Variants in MYLK observed in about 807,000 individuals in gnomAD.
MYLK encodes myosin light chain kinase, smooth muscle.
In MYLK, 106 loss-of-function variants were observed where a neutral mutation model predicts 203.4. The ratio of observed to expected loss-of-function variants is 0.52; its 90% CI spans 0.45 to 0.61. The LOEUF is 0.61. Among genes scored for constraint, MYLK ranks in the 20% least tolerant of loss-of-function variants. The pLI, the probability that MYLK is intolerant of heterozygous loss-of-function variation, is 0.00. For synonymous variants in MYLK, 867 were observed against 959.5 expected (o/e 0.90, Z 1.78); for missense variants, 2,072 against 2,442.3 (o/e 0.85, Z 3.20).
At chr3:123,779,133 C>T (rs1014170983) in intron 4 of MYLK, among the ~76,000 whole-genome samples, 33 of 152,318 alleles carry the variant, frequency 2.2e-4, no homozygotes, top group African/African-American at 7.7e-4. Flanking sequence ...AGTCTTTCCC[C>T]ACTCCTTTCG....
chr3:123,638,958 A>T, intron 28 of MYLK: 9 of 985,474 alleles, frequency 9.1e-6, no homozygotes, highest in Non-Finnish European at 1.1e-5. Context: ...AAAGCATTTA[A>T]CAGCCCTCAG....
intron 4 of MYLK, among the ~76,000 whole-genome samples, chr3:123,753,130 A>G (rs1163083504): frequency 6.6e-6 from 1 of 152,186 alleles, no homozygotes; most frequent in Non-Finnish European, 1.5e-5. Context: ...GGAGCACTCA[A>G]AATGTGGCCA....
chr3:123,684,060 T>C (rs529963846), intron 19 of MYLK, among the ~76,000 whole-genome samples: 7 of 152,186 alleles, frequency 4.6e-5, no homozygotes, highest in Non-Finnish European at 7.3e-5. Context: ...GGGGCAGGGA[T>C]GATTTCATTT....
At chr3:123,652,842 G>A (rs2059261068) in intron 24 of MYLK, among the ~76,000 whole-genome samples, 1 of 152,176 alleles carries the variant, frequency 6.6e-6, no homozygotes, top group South Asian at 2.1e-4. Context: ...TTGGGTTTGG[G>A]AGTACATTGT....
At chr3:123,848,961 T>C (rs929052437) in intron 2 of MYLK, among the ~76,000 whole-genome samples, 4 of 152,146 alleles carry the variant, frequency 2.6e-5, no homozygotes, top group Admixed American at 2.6e-4. Flanking sequence ...CTATTCAACA[T>C]GTTATCCTTT....
chr3:123,614,289 T>C lies in MYLK; in HGVS notation c.5561A>G (p.His1854Arg), dbSNP rs982108163. Residue 1854 changes from histidine to arginine, a missense_variant, in exon 34 of 34, where the codon CAC becomes CGC. Coordinates refer to ENST00000360304, the MANE Select transcript of MYLK (RefSeq NM_053025.4). The stretch of plus-strand genomic sequence containing the variant: ...GTCCTCATCGTAGTCTATCTGGAAG[T>C]GGCGGGACTCCCTGATTGACTGGTC... ...KDDQSIRESR[H>R]FQIDYDEDGN... 10 of 1,614,048 alleles carry C rather than the reference T, an allele frequency of 6.2e-6. No homozygotes were observed. Among genetic ancestry groups the C allele is most frequent in the Non-Finnish European group, 8.5e-6 (10 of 1,180,030 alleles).
rs780473659 is a variant in MYLK, at chr3:123,640,545, A to G, written c.4620-41T>C. 10 of 1,608,524 alleles carry G rather than the reference A, an allele frequency of 6.2e-6. No homozygotes were observed. The highest frequency in any genetic ancestry group is 8.5e-6 in the Non-Finnish European group (10 of 1,176,186). Reference sequence around the variant, plus strand: ...CACGGGGTGGTCAGGCCACAGGCTCATGGAGGCCAGGCTGGCAGGGAGTCT... The same window carrying G: ...CACGGGGTGGTCAGGCCACAGGCTCGTGGAGGCCAGGCTGGCAGGGAGTCT... On this transcript the variant is annotated intron_variant, in intron 27 of 33. Coordinates refer to ENST00000360304, the MANE Select transcript of MYLK (RefSeq NM_053025.4). This position sits in a 1 kb window ranked among gnomAD's most constrained non-coding sequence, Gnocchi z 4.3.
In MYLK at chr3:123,864,494, G is replaced by A. The variant is rs2032175028; in HGVS notation, c.-127+12065C>T. Among the ~76,000 whole-genome samples, 3 of 152,272 alleles carry A rather than the reference G, an allele frequency of 2.0e-5. 1 individual carries two copies. Among genetic ancestry groups the A allele is most frequent in the Admixed American group, 2.0e-4 (3 of 15,296 alleles). Reference sequence around the variant, plus strand: ...TGGACTGATTGACGATGGAAGGATGGACAGATAGGTGATAAAACAAATACA... The same window carrying A: ...TGGACTGATTGACGATGGAAGGATGAACAGATAGGTGATAAAACAAATACA... On this transcript the variant is annotated intron_variant, in intron 2 of 33. Coordinates refer to ENST00000360304, the MANE Select transcript of MYLK (RefSeq NM_053025.4).
At chr3:123,824,551 T>A (rs1250782258) in intron 3 of MYLK, among the ~76,000 whole-genome samples, 1 of 152,174 alleles carries the variant, frequency 6.6e-6, no homozygotes, top group East Asian at 1.9e-4. Flanking sequence ...GTTAGCCACA[T>A]TGATGGGAGT....
intron 4 of MYLK, among the ~76,000 whole-genome samples, chr3:123,774,612 A>C (rs2063999976): frequency 6.6e-6 from 1 of 152,190 alleles, no homozygotes; most frequent in African/African-American, 2.4e-5. Flanking sequence ...GAAAGTTCCA[A>C]GTATCAAAAA....
chr3:123,694,922 T>G (rs1047337108), intron 18 of MYLK, among the ~76,000 whole-genome samples: 5 of 152,252 alleles, frequency 3.3e-5, no homozygotes, highest in Non-Finnish European at 5.9e-5. Flanking sequence ...CCCAGAGGTT[T>G]TTTTTTGAGA....
chr3:123,812,280 A>C lies in MYLK; in HGVS notation c.-3-18436T>G, dbSNP rs144413686. ...GACAGCACCTGTTCCTTGTGATGTA[A>C]GCTTAAACCAAATGAGGGGCGGTCA... On this transcript the variant is annotated intron_variant, in intron 3 of 33. Coordinates refer to ENST00000360304, the MANE Select transcript of MYLK (RefSeq NM_053025.4). Among the ~76,000 whole-genome samples the C allele has an allele frequency of 6.8e-4, 104 of 152,334 alleles. 2 individuals carry two copies. The South Asian group carries it at 0.012, about 17-fold the overall frequency.
chr3:123,848,261 A>AT (rs1462518183), intron 2 of MYLK, among the ~76,000 whole-genome samples: 1 of 150,526 alleles, frequency 6.6e-6, no homozygotes, highest in African/African-American at 2.4e-5. Context: ...TTTGAAAAAA[A>AT]AAAAGCCTTA....
intron 31 of MYLK, chr3:123,620,722 G>T: frequency 1.2e-6 from 1 of 807,284 alleles, no homozygotes; most frequent in Non-Finnish European, 1.5e-6. Flanking sequence ...GCTATTTCTC[G>T]TAAAACAATG....
intron 19 of MYLK, among the ~76,000 whole-genome samples, chr3:123,686,449 G>A (rs1009546785): frequency 1.3e-5 from 2 of 151,744 alleles, no homozygotes; most frequent in Non-Finnish European, 2.9e-5. Context: ...GTCTTGGGAA[G>A]CTTCTGGGAG....
At chr3:123,817,471 T>C (rs571881563) in intron 3 of MYLK, among the ~76,000 whole-genome samples, 1 of 152,222 alleles carries the variant, frequency 6.6e-6, no homozygotes, top group African/African-American at 2.4e-5. Flanking sequence ...GGATCAGATC[T>C]GCTCAGCCCA....
In MYLK at chr3:123,635,381, G is replaced by A. The variant is rs538421061; in HGVS notation, c.4961+2690C>T. On this transcript the variant is annotated intron_variant, in intron 29 of 33. Coordinates refer to ENST00000360304, the MANE Select transcript of MYLK (RefSeq NM_053025.4). ...TCTCTGTTGAGAGCCCTGGCTTGCC[G>A]GGGGAACTCCCTGACTTCCATCCAT... is the stretch of plus-strand genomic sequence containing the variant. 1.1e-4 allele frequency among the ~76,000 whole-genome samples: 16 copies of A among 152,308 alleles called. No homozygotes were observed. The East Asian group carries it at 2.1e-3, about 20-fold the overall frequency.
chr3:123,779,238 G>T (rs2064196907), intron 4 of MYLK, among the ~76,000 whole-genome samples: 1 of 152,200 alleles, frequency 6.6e-6, no homozygotes, highest in South Asian at 2.1e-4. Context: ...GCTGGGGGAT[G>T]GTGGCCTGGG....
At chr3:123,822,158 C>T (rs1426526382) in intron 3 of MYLK, among the ~76,000 whole-genome samples, 1 of 152,208 alleles carries the variant, frequency 6.6e-6, no homozygotes, top group Non-Finnish European at 1.5e-5. Context: ...TCCCAGCCTC[C>T]AGAACTGTAA....
Sources: allele counts gnomAD v4.1 joint callset (sites outside exome capture counted in the v4.1 genomes callset), GRCh38; gene constraint gnomAD v4.1.1; non-coding constraint Gnocchi (gnomAD v3.1); transcripts MANE v1.5; gene names NCBI Gene and HGNC (gene_info 2026-07-23, HGNC 2026-07-21).